FAM98C: variants seen among roughly 807,000 people sequenced by gnomAD.
The protein encoded by FAM98C is tRNA splicing ligase complex subunit 3C.
In FAM98C, 38 loss-of-function variants were observed where a neutral mutation model predicts 41.1. The observed-to-expected ratio is 0.92, with a 90% CI of 0.71 to 1.21. FAM98C has a LOEUF of 1.21. Among genes scored for constraint, FAM98C ranks in the 50% most tolerant of loss-of-function variants. The pLI is 0.00. For synonymous variants in FAM98C, 195 were observed against 216.7 expected (o/e 0.90, Z 0.88); for missense variants, 493 against 484.7 (o/e 1.02, Z -0.16).
In FAM98C at chr19:38,403,631, G is replaced by T. The variant is rs1182751019; in HGVS notation, c.286G>T (p.Ala96Ser). ...LLRELHCPDR[A>S]LCGGDGAAAL... is the part of the protein sequence containing the mutation. ...GCGGGAGCTGCACTGCCCGGATCGCGCGCTCTGCGGCGGGGATGGCGCGGC... is the reference window on the plus strand; with the variant it reads ...GCGGGAGCTGCACTGCCCGGATCGCTCGCTCTGCGGCGGGGATGGCGCGGC... Residue 96 changes from alanine (A) to serine (S), a missense_variant, in exon 3 of 8, where the codon GCG becomes TCG. Coordinates refer to ENST00000252530, the MANE Select transcript of FAM98C (RefSeq NM_174905.4). 2 of 1,441,574 alleles carry T rather than the reference G, an allele frequency of 1.4e-6. No homozygotes were observed. The highest frequency in any genetic ancestry group is 1.8e-6 in the Non-Finnish European group (2 of 1,109,806). The allele number at this position is 1,441,574 out of a possible 1,614,324, so 89.3% of individuals were successfully genotyped here.
chr19:38,407,417 C>A, intron 7 of FAM98C: 1 of 220,234 alleles, frequency 4.5e-6, no homozygotes, highest in African/African-American at 2.3e-5. Context: ...GTCACCCAGG[C>A]TGCAATGCAG....
chr19:38,405,218 T>C, intron 4 of FAM98C, 105 bp downstream of exon 4: 2 of 1,506,342 alleles, frequency 1.3e-6, no homozygotes, highest in Non-Finnish European at 1.8e-6. Flanking sequence ...ACTGGCCTGT[T>C]TTTTCTGGAG....
rs766041471 is a variant in FAM98C at position 38,403,408 on chromosome 19, C to T, written c.136C>T (p.Leu46=). ...AGACTTCAGGGGGCTGTGCGTGCGG[C>T]TGGCGGCGGAGCTGGCGACGCTGGG... ...CPDFRGLCVR[L]AAELATLGAL... The change falls in exon 2 of 8, where the codon CTG becomes TTG. Residue 46 remains leucine, a synonymous_variant. Coordinates refer to ENST00000252530, the MANE Select transcript of FAM98C (RefSeq NM_174905.4). 2 of 1,441,316 alleles carry T rather than the reference C, an allele frequency of 1.4e-6. No individual in the cohort carries two copies. The highest frequency in any genetic ancestry group is 3.3e-5 in the Admixed American group (1 of 29,950). 89.3% of individuals were successfully genotyped at this position (1,441,316 alleles called of 1,614,324 possible).
At chr19:38,404,174 G>A (rs1340992575) in intron 3 of FAM98C, among the ~76,000 whole-genome samples, 1 of 151,918 alleles carries the variant, frequency 6.6e-6, no homozygotes, top group Non-Finnish European at 1.5e-5. Flanking sequence ...TTACAGGCGT[G>A]AGCCCACCAC....
At chr19:38,403,989 C>G (rs1971004171) in intron 3 of FAM98C, among the ~76,000 whole-genome samples, 1 of 152,166 alleles carries the variant, frequency 6.6e-6, no homozygotes, top group African/African-American at 2.4e-5. Flanking sequence ...CAACCTCCAC[C>G]TCCCAGGTTC....
At chr19:38,403,781 G>A in intron 3 of FAM98C, 87 bp downstream of exon 3, 1 of 1,337,206 alleles carries the variant, frequency 7.5e-7, no homozygotes, top group East Asian at 3.1e-5. Context: ...GTTCCCAAGG[G>A]GTGTGGTCAG....
At chr19:38,407,243 T>C (rs1971053852) in intron 7 of FAM98C, 166 bp downstream of exon 7, 1 of 698,174 alleles carries the variant, frequency 1.4e-6, no homozygotes, top group East Asian at 2.7e-5. Flanking sequence ...ACTCCCCAGC[T>C]CAGAATGCTT....
At position 38,403,133 on chromosome 19, in the gene FAM98C, GC is replaced by G; in HGVS notation, c.-20del. The G allele has an allele frequency of 6.6e-7, 1 of 1,510,858 alleles. No homozygotes were observed. The allele number at this position is 1,510,858 out of a possible 1,614,324, so 93.6% of individuals were successfully genotyped here. A position where few individuals can be genotyped will look rare whatever the true frequency, so the allele number is the denominator to read the frequency against. On this transcript the variant is annotated 5_prime_UTR_variant, in exon 1 of 8. Coordinates refer to ENST00000252530, the MANE Select transcript of FAM98C (RefSeq NM_174905.4). ...GGAGCCTGCCACCGGCCGCCAGGGGGCGCGCCGAGACCACACTTTCATGGAG... is the reference window on the plus strand; with the variant it reads ...GGAGCCTGCCACCGGCCGCCAGGGGGGCGCCGAGACCACACTTTCATGGAG...
At position 38,403,560 on chromosome 19, in the gene FAM98C, G is replaced by T. The variant is rs773190564; in HGVS notation, c.215G>T (p.Gly72Val). The change falls in exon 3 of 8, where the codon GGC becomes GTC. Residue 72 changes from glycine (G) to valine (V), a missense_variant and splice_region_variant. Coordinates refer to ENST00000252530, the MANE Select transcript of FAM98C (RefSeq NM_174905.4). ...AGAEVLSAGD[G>V]PGAEEDFLRQ... is the part of the protein sequence containing the mutation. ...AGCCCTGACACCCCTGTCCTCGCAG[G>T]CCCTGGCGCGGAGGAGGACTTTCTG... 1 of 1,493,862 alleles carries T rather than the reference G, an allele frequency of 6.7e-7. No homozygotes were observed. The highest frequency in any genetic ancestry group is 8.8e-7 in the Non-Finnish European group (1 of 1,130,794). The allele number at this position is 1,493,862 out of a possible 1,614,324, so 92.5% of individuals were successfully genotyped here.
At chr19:38,405,760 T>C (rs1971031171) in intron 6 of FAM98C, 125 bp downstream of exon 6, 2 of 913,896 alleles carry the variant, frequency 2.2e-6, no homozygotes, top group African/African-American at 1.7e-5. Flanking sequence ...GGACATTTTA[T>C]AATTTTTTGA....
rs547434902 is a variant in FAM98C, at chr19:38,405,370, C to T, written c.582C>T (p.Pro194=). Residue 194 remains proline (P), a synonymous_variant, in exon 5 of 8, where the codon CCC becomes CCT. Coordinates refer to ENST00000252530, the MANE Select transcript of FAM98C (RefSeq NM_174905.4). The part of the protein sequence containing the change: ...AKISELQPSL[P]PGSLQPLLSC... ...TCTCAGAGCTGCAGCCTTCTCTGCC[C>T]CCAGGGTCCCTGCAGCCCCTCCTCA... 7 of 1,614,046 alleles carry T rather than the reference C, an allele frequency of 4.3e-6. No individual in the cohort carries two copies. The highest frequency in any genetic ancestry group is 2.5e-6 in the Non-Finnish European group (3 of 1,180,012).
rs781137669 is a variant in FAM98C at position 38,408,803 on chromosome 19, C to T, written c.971C>T (p.Pro324Leu). Residue 324 changes from proline to leucine, a missense_variant, in exon 8 of 8, where the codon CCT (proline) becomes CTT (leucine). Coordinates refer to ENST00000252530, the MANE Select transcript of FAM98C (RefSeq NM_174905.4). ...DRGGRPNELEPPMPTWRSRRE... is the reference protein window; with the variant it reads ...DRGGRPNELELPMPTWRSRRE... The stretch of plus-strand genomic sequence containing the variant: ...GGGGGCCGCCCAAATGAGCTGGAGC[C>T]TCCCATGCCCACCTGGAGGAGCCGA... 3 of 1,613,586 alleles carry T rather than the reference C, an allele frequency of 1.9e-6. No individual in the cohort carries two copies. The highest frequency in any genetic ancestry group is 2.5e-6 in the Non-Finnish European group (3 of 1,179,840).
chr19:38,404,140 C>T (rs755145402), intron 3 of FAM98C, among the ~76,000 whole-genome samples: 30 of 152,312 alleles, frequency 2.0e-4, no homozygotes, highest in Non-Finnish European at 3.2e-4. Flanking sequence ...GATCTGTCCA[C>T]CTCGGCCTCC....
chr19:38,403,582 T>C lies in FAM98C; in HGVS notation c.237T>C (p.Phe79=). 2 of 1,499,640 alleles carry C rather than the reference T, an allele frequency of 1.3e-6. No homozygotes were observed. Among genetic ancestry groups the C allele is most frequent in the Non-Finnish European group, 1.8e-6 (2 of 1,134,298 alleles). The allele number at this position is 1,499,640 out of a possible 1,614,324, so 92.9% of individuals were successfully genotyped here. ...CAGGCCCTGGCGCGGAGGAGGACTT[T>C]CTGCGGCAGCTCGGCAGCCTGCTGC... ...AGDGPGAEED[F]LRQLGSLLRE... Residue 79 remains phenylalanine, a synonymous_variant, in exon 3 of 8, where the codon TTT becomes TTC. Coordinates refer to ENST00000252530, the MANE Select transcript of FAM98C (RefSeq NM_174905.4).
intron 4 of FAM98C, 58 bp downstream of exon 4, chr19:38,405,171 G>A: frequency 6.4e-7 from 1 of 1,564,092 alleles, no homozygotes; most frequent in South Asian, 1.2e-5. Context: ...GTGGGGGTGG[G>A]GGTCCTCTCT....
At chr19:38,407,130 C>T in intron 7 of FAM98C, 53 bp downstream of exon 7, 1 of 1,588,524 alleles carries the variant, frequency 6.3e-7, no homozygotes, top group South Asian at 1.1e-5. Flanking sequence ...TCAGATTGGC[C>T]TTTCAGCCTC....
At position 38,404,952 on chromosome 19, in the gene FAM98C, C is replaced by G. The variant is rs369912781; in HGVS notation, c.394C>G (p.Arg132Gly). ...ELQATRLLCLRSLLDPSPRPP... is the reference protein window; with the variant it reads ...ELQATRLLCLGSLLDPSPRPP... Reference sequence around the variant, plus strand: ...CCAAGCCACCCGCCTCCTGTGCCTCCGCTCTCTGCTGGATCCGAGTCCTAG... The same window carrying G: ...CCAAGCCACCCGCCTCCTGTGCCTCGGCTCTCTGCTGGATCCGAGTCCTAG... The change falls in exon 4 of 8, where the codon CGC becomes GGC. Residue 132 changes from arginine to glycine, a missense_variant. Physicochemically the swap from Arg to Gly is moderately radical, Grantham distance 125 (BLOSUM62 -2). Transcript: ENST00000252530. 1 of 1,614,130 alleles carries G rather than the reference C, an allele frequency of 6.2e-7. No individual in the cohort carries two copies.
chr19:38,406,151 A>C (rs1202715548), intron 6 of FAM98C: 2 of 149,832 alleles, frequency 1.3e-5, no homozygotes, highest in Non-Finnish European at 2.9e-5. Flanking sequence ...CACTGCACCC[A>C]GCCTTTTTTT....
rs1971019721 is a variant in FAM98C, at chr19:38,405,095, G to A, written c.537G>A (p.Leu179=). 6.2e-7 allele frequency: 1 copy of A among 1,610,994 alleles called. No homozygotes were observed. Among genetic ancestry groups the A allele is most frequent in the Non-Finnish European group, 8.5e-7 (1 of 1,177,874 alleles). ...PAPGTPASQL[L]QELHAKISEL... is the part of the protein sequence containing the mutation. ...CAGGGACCCCCGCCAGCCAGCTGCT[G>A]CAGGAGTTGCATGCTAAGGTAGAGA... The change falls in exon 4 of 8, where the codon CTG becomes CTA. Residue 179 remains leucine, a synonymous_variant. Coordinates refer to ENST00000252530, the MANE Select transcript of FAM98C (RefSeq NM_174905.4).
Sources: allele counts gnomAD v4.1 joint callset (sites outside exome capture counted in the v4.1 genomes callset), GRCh38; gene constraint gnomAD v4.1.1; transcripts MANE v1.5; gene names NCBI Gene and HGNC (gene_info 2026-07-23, HGNC 2026-07-21).